The following SS18L1 variants were observed in gnomAD, a reference collection of about 807,000 sequenced individuals.
The protein encoded by SS18L1 is SS18L1 subunit of BAF chromatin remodeling complex.
A neutral mutation model predicts 70.3 loss-of-function variants in SS18L1; 32 were observed. The observed-to-expected ratio is 0.46, with a 90% CI of 0.34 to 0.61. The LOEUF is 0.61. Ranked by LOEUF, SS18L1 falls within the 20% of genes least tolerant of loss-of-function variation. The pLI, the probability that SS18L1 is intolerant of heterozygous loss-of-function variation, is 0.01. For synonymous variants in SS18L1, 237 were observed against 229.7 expected, an observed-to-expected ratio of 1.03 and a Z score of -0.29; for missense variants, 430 against 542.1, an observed-to-expected ratio of 0.79 and a Z score of 2.05.
chr20:62,174,093 C>T lies in SS18L1; in HGVS notation c.1037-424C>T, dbSNP rs2057578728. 6.6e-6 allele frequency among the ~76,000 whole-genome samples: 1 copy of T among 152,154 alleles called. No individual in the cohort carries two copies. Among genetic ancestry groups the T allele is most frequent in the South Asian group, 2.1e-4 (1 of 4,838 alleles). ...CTTAGCCTTCCTAGAGACGATGTCT[C>T]TGTCTCACCTGCCTGCAGGTTTTCA... is the stretch of plus-strand genomic sequence containing the variant. On this transcript the variant is annotated intron_variant, in intron 9 of 10. Transcript: ENST00000331758. The surrounding 1 kb of genome is among the most constrained non-coding windows in gnomAD (Gnocchi z 4.1).
rs764263694 is a variant in SS18L1 at position 62,158,733 on chromosome 20, C to T, written c.131C>T (p.Thr44Met). 21 of 1,612,846 alleles carry T rather than the reference C, an allele frequency of 1.3e-5. 1 individual carries two copies. The Admixed American group carries it at 1.7e-4, about 13-fold the overall frequency. The change falls in exon 2 of 11, where the codon ACG (threonine) becomes ATG (methionine). Residue 44 changes from threonine to methionine, a missense_variant. By Grantham distance (81) the Thr-to-Met change is moderately conservative. Coordinates refer to ENST00000331758, the MANE Select transcript of SS18L1 (RefSeq NM_198935.3). This position sits in a 1 kb window ranked among gnomAD's most constrained non-coding sequence, Gnocchi z 4.5. ...CILEYQSKGK[T>M]AECTQYQQIL... ...CTGGAGTACCAGAGCAAGGGCAAGA[C>T]GGCCGAGTGCACGCAGTGAGTGCCC...
At chr20:62,150,694 C>T (rs1030311819) in intron 1 of SS18L1, among the ~76,000 whole-genome samples, 1 of 113,998 alleles carries the variant, frequency 8.8e-6, no homozygotes, top group Non-Finnish European at 1.7e-5. Context: ...TGCTCTTTCG[C>T]CCAGGCTGAG....
chr20:62,145,938 T>G (rs1407649785), intron 1 of SS18L1, among the ~76,000 whole-genome samples: 1 of 152,232 alleles, frequency 6.6e-6, no homozygotes, highest in East Asian at 1.9e-4. Flanking sequence ...GGGACCCCTC[T>G]GAAGCCTGCG....
intron 10 of SS18L1, among the ~76,000 whole-genome samples, chr20:62,176,870 C>G (rs969211243): frequency 5.3e-5 from 8 of 152,226 alleles, no homozygotes; most frequent in African/African-American, 1.9e-4. Flanking sequence ...ATGTGTCCAT[C>G]TAACTGCAAA....
At chr20:62,144,025 C>T (rs1052344043) in intron 1 of SS18L1, 136 bp downstream of exon 1, 92 of 433,324 alleles carry the variant, frequency 2.1e-4, no homozygotes, top group African/African-American at 1.8e-3. Context: ...GCCCCGACGG[C>T]GGCCCCGTGC....
intron 1 of SS18L1, among the ~76,000 whole-genome samples, chr20:62,157,078 C>T (rs1056630467): frequency 1.3e-4 from 20 of 152,138 alleles, no homozygotes; most frequent in Non-Finnish European, 2.4e-4. Context: ...TGGGTCTCCG[C>T]GGGCCACCCA....
At chr20:62,152,589 C>T (rs2145707458) in intron 1 of SS18L1, among the ~76,000 whole-genome samples, 1 of 152,204 alleles carries the variant, frequency 6.6e-6, no homozygotes, top group South Asian at 2.1e-4. Context: ...AGCTGGGAAA[C>T]AGTGTCTGCA....
chr20:62,155,647 G>GCCAA (rs2057209401), intron 1 of SS18L1, among the ~76,000 whole-genome samples: 1 of 152,116 alleles, frequency 6.6e-6, no homozygotes, highest in Non-Finnish European at 1.5e-5. Flanking sequence ...CCTCCAGGCT[G>GCCAA]GTCACTTTCC....
At position 62,179,518 on chromosome 20, in the gene SS18L1, A is replaced by C. The variant is rs1340118224; in HGVS notation, c.*310A>C. The C allele has an allele frequency of 8.5e-6, 4 of 470,496 alleles. No individual in the cohort carries two copies. The highest frequency in any genetic ancestry group is 5.8e-4 in the Middle Eastern group (1 of 1,738). The allele number at this position is 470,496 out of a possible 1,614,324, so 29.1% of individuals were successfully genotyped here. A position where few individuals can be genotyped will look rare whatever the true frequency, so the allele number is the denominator to read the frequency against. The stretch of plus-strand genomic sequence containing the variant: ...AGCTAGCTTTGGGGGTCATTTTGTC[A>C]TCAGAGCATTCTGTGCCCAGGGACA... On this transcript the variant is annotated 3_prime_UTR_variant, in exon 11 of 11. Coordinates refer to ENST00000331758, the MANE Select transcript of SS18L1 (RefSeq NM_198935.3).
At chr20:62,154,594 T>C (rs1437591342) in intron 1 of SS18L1, 2 of 968,856 alleles carry the variant, frequency 2.1e-6, no homozygotes, top group Admixed American at 5.9e-5. Context: ...TCCGGAAGTC[T>C]CCGTGAGGTC....
chr20:62,179,311 C>G lies in SS18L1; in HGVS notation c.*103C>G. ...AATTGTGACATGTTGGTTACCTGTT[C>G]GCCCAGTGCCACGTCTGCATGTGAA... On this transcript the variant is annotated 3_prime_UTR_variant, in exon 11 of 11. Coordinates refer to ENST00000331758, the MANE Select transcript of SS18L1 (RefSeq NM_198935.3). The G allele has an allele frequency of 7.6e-7, 1 of 1,313,294 alleles. No individual in the cohort carries two copies. Among genetic ancestry groups the G allele is most frequent in the Non-Finnish European group, 1.1e-6 (1 of 911,652 alleles). 81.4% of individuals were successfully genotyped at this position (1,313,294 alleles called of 1,614,324 possible).
At chr20:62,172,571 C>A in intron 8 of SS18L1, 111 bp from the exon 9 acceptor site, 1 of 1,496,392 alleles carries the variant, frequency 6.7e-7, no homozygotes, top group Non-Finnish European at 9.3e-7. Context: ...CATGCCGAAG[C>A]AATGGATTTG....
intron 9 of SS18L1, among the ~76,000 whole-genome samples, chr20:62,173,366 T>C (rs1002212954): frequency 6.6e-6 from 1 of 152,248 alleles, no homozygotes; most frequent in Non-Finnish European, 1.5e-5. Flanking sequence ...CGTGCCTGAT[T>C]CTGCTGTGCT....
chr20:62,179,219 T>G lies in SS18L1; in HGVS notation c.*11T>G. 6.2e-7 allele frequency: 1 copy of G among 1,614,184 alleles called. No individual in the cohort carries two copies. The highest frequency in any genetic ancestry group is 1.1e-5 in the South Asian group (1 of 91,082). On this transcript the variant is annotated 3_prime_UTR_variant, in exon 11 of 11. Transcript: ENST00000331758. ...AATTACCAGCAGTAAGGGACACACA[T>G]TCTGGCTGGAGCCCTTGTGGTAGCG...
intron 9 of SS18L1, among the ~76,000 whole-genome samples, chr20:62,173,731 T>G (rs2057571984): frequency 6.6e-6 from 1 of 152,004 alleles, no homozygotes; most frequent in African/African-American, 2.4e-5. Flanking sequence ...ATAAATTACT[T>G]GAGGCTCAGT....
intron 5 of SS18L1, 21 bp from the exon 6 acceptor site, chr20:62,163,437 G>A (rs2057368749): frequency 6.2e-7 from 1 of 1,611,310 alleles, no homozygotes. Context: ...GGTGATGTGG[G>A]GCCTCTGTCC....
intron 1 of SS18L1, among the ~76,000 whole-genome samples, chr20:62,153,712 G>C (rs985403826): frequency 6.6e-6 from 1 of 151,930 alleles, no homozygotes; most frequent in Admixed American, 6.5e-5. Context: ...CTCCTCCTTT[G>C]CTCAGGTATT....
intron 3 of SS18L1, among the ~76,000 whole-genome samples, chr20:62,160,496 G>A (rs79053218): frequency 0.036 from 5,481 of 152,182 alleles, 299 homozygotes; most frequent in African/African-American, 0.12. Context: ...CTGTGGGTGA[G>A]AACGGAACTT....
chr20:62,159,419 G>A lies in SS18L1; in HGVS notation c.147-458G>A, dbSNP rs1432563702. 6.6e-6 allele frequency among the ~76,000 whole-genome samples: 1 copy of A among 152,134 alleles called. No individual in the cohort carries two copies. The highest frequency in any genetic ancestry group is 1.5e-5 in the Non-Finnish European group (1 of 68,012). The stretch of plus-strand genomic sequence containing the variant: ...CCCACTGGTGCGAGGTATACGAGGG[G>A]CCTTCCCTGGCAGAACTGTGCTTCC... On this transcript the variant is annotated intron_variant, in intron 2 of 10. Transcript: ENST00000331758. This position sits in a 1 kb window ranked among gnomAD's most constrained non-coding sequence, Gnocchi z 4.4.
Sources: allele counts gnomAD v4.1 joint callset (sites outside exome capture counted in the v4.1 genomes callset), GRCh38; gene constraint gnomAD v4.1.1; non-coding constraint Gnocchi (gnomAD v3.1); transcripts MANE v1.5; gene names NCBI Gene and HGNC (gene_info 2026-07-23, HGNC 2026-07-21).